The following KCNQ5 variants were observed in gnomAD, a reference collection of about 807,000 sequenced individuals.
The protein encoded by KCNQ5 is potassium voltage-gated channel subfamily KQT member 5.
A neutral mutation model predicts 98.2 loss-of-function variants in KCNQ5; 30 were observed. The observed-to-expected ratio is 0.31, with a 90% confidence interval of 0.23 to 0.41. The LOEUF is 0.41. Among genes scored for constraint, KCNQ5 ranks in the 10% least tolerant of loss-of-function variants. The pLI is 1.00. For missense variants in KCNQ5, 835 were observed against 1,182.5 expected (o/e 0.71, Z 4.31); for synonymous variants, 458 against 449.4 (o/e 1.02, Z -0.24).
intron 1 of KCNQ5, among the ~76,000 whole-genome samples, chr6:72,997,658 C>A (rs536775477): frequency 3.1e-4 from 47 of 151,340 alleles, no homozygotes; most frequent in Admixed American, 1.6e-3. Context: ...TGATGGGCAC[C>A]TGTAGTCCCA....
intron 1 of KCNQ5, among the ~76,000 whole-genome samples, chr6:72,926,111 G>C (rs1297850977): frequency 6.6e-6 from 1 of 152,114 alleles, no homozygotes; most frequent in Non-Finnish European, 1.5e-5. Context: ...AAGAGGTGGG[G>C]GATTGAGAGC....
chr6:72,924,127 C>G (rs1281932146), intron 1 of KCNQ5, among the ~76,000 whole-genome samples: 1 of 152,088 alleles, frequency 6.6e-6, no homozygotes, highest in Non-Finnish European at 1.5e-5. Context: ...ATATTAATGT[C>G]AAAACAAGTT....
chr6:72,893,573 T>C (rs1779139153), intron 1 of KCNQ5, among the ~76,000 whole-genome samples: 1 of 152,188 alleles, frequency 6.6e-6, no homozygotes, highest in Non-Finnish European at 1.5e-5. Flanking sequence ...AATATTGTAC[T>C]GTTTTCTTTC....
chr6:72,745,248 A>C (rs1771324558), intron 1 of KCNQ5, among the ~76,000 whole-genome samples: 1 of 152,224 alleles, frequency 6.6e-6, no homozygotes, highest in Non-Finnish European at 1.5e-5. Context: ...AACTGAAAAG[A>C]TCAATTAGGA....
intron 2 of KCNQ5, among the ~76,000 whole-genome samples, chr6:73,008,541 G>C (rs971111157): frequency 1.3e-5 from 2 of 152,030 alleles, no homozygotes; most frequent in Admixed American, 6.6e-5. Flanking sequence ...TTAATAAAAG[G>C]TTTAATACAA....
intron 1 of KCNQ5, among the ~76,000 whole-genome samples, chr6:72,636,116 C>G (rs1341056631): frequency 6.6e-6 from 1 of 151,900 alleles, no homozygotes; most frequent in Admixed American, 6.6e-5. Context: ...TGAAAGTTGA[C>G]TATATACTTT....
In KCNQ5 at chr6:73,105,413, G is replaced by A. The variant is rs758619904; in HGVS notation, c.1029+46G>A. ...AAAGCAGTTTAAATTAGATCTTAGA[G>A]ACTTATTAGAGTGAGCTCTCACAAA... On this transcript the variant is annotated intron_variant, in intron 6 of 13. Coordinates refer to ENST00000370398, the MANE Select transcript of KCNQ5 (RefSeq NM_019842.4). The A allele has an allele frequency of 3.3e-6, 4 of 1,196,332 alleles. No homozygotes were observed. The Admixed American group carries it at 7.9e-5, about 24-fold the overall frequency. 74.1% of individuals were successfully genotyped at this position (1,196,332 alleles called of 1,614,324 possible).
Position 72,907,143 on chromosome 6 carries a change from C to T in KCNQ5, c.399-96765C>T, listed in dbSNP as rs78582328. 3.0e-3 allele frequency among the ~76,000 whole-genome samples: 459 copies of T among 152,106 alleles called. 3 individuals are homozygous for T. The highest frequency in any genetic ancestry group is 0.02 in the East Asian group (106 of 5,172). Reference sequence around the variant, plus strand: ...ATGTTTATTACTTTAACTGTGTTATCTTGTGCATGCTTATAAAAGTCTACC... The same window carrying T: ...ATGTTTATTACTTTAACTGTGTTATTTTGTGCATGCTTATAAAAGTCTACC... On this transcript the variant is annotated intron_variant, in intron 1 of 13. Transcript: ENST00000370398.
intron 1 of KCNQ5, among the ~76,000 whole-genome samples, chr6:72,699,584 T>A (rs1768690235): frequency 6.6e-6 from 1 of 152,174 alleles, no homozygotes; most frequent in Non-Finnish European, 1.5e-5. Flanking sequence ...CCCCACTCTA[T>A]TAGAAGCTAT....
At chr6:72,658,612 G>T (rs1296196845) in intron 1 of KCNQ5, among the ~76,000 whole-genome samples, 58 of 111,062 alleles carry the variant, frequency 5.2e-4, no homozygotes, top group Admixed American at 2.0e-3. Context: ...ACAGGGTCTT[G>T]CTCTGTCAGC....
At chr6:72,822,678 C>G (rs184459218) in intron 1 of KCNQ5, among the ~76,000 whole-genome samples, 83 of 152,244 alleles carry the variant, frequency 5.5e-4, no homozygotes, top group African/African-American at 1.9e-3. Context: ...GACAGCAAAT[C>G]AATCTATAAG....
intron 10 of KCNQ5, among the ~76,000 whole-genome samples, chr6:73,137,429 T>C (rs2796047): frequency 0.12 from 18,889 of 152,176 alleles, 2,344 homozygotes; most frequent in African/African-American, 0.33. Flanking sequence ...TTATTTTGAC[T>C]GCTATGATAT....
At chr6:73,091,766 G>T (rs75123271) in intron 5 of KCNQ5, among the ~76,000 whole-genome samples, 850 of 5,624 alleles carry the variant, frequency 0.15, 5 homozygotes, top group Non-Finnish European at 0.23. Context: ...TTTTTTGTTG[G>T]TTTATTTGTT....
chr6:72,686,605 G>T lies in KCNQ5; in HGVS notation c.398+64018G>T, dbSNP rs957585516. Among the ~76,000 whole-genome samples the T allele has an allele frequency of 5.3e-5, 8 of 151,430 alleles. No individual in the cohort carries two copies. The East Asian group carries it at 1.5e-3, about 29-fold the overall frequency. On this transcript the variant is annotated intron_variant, in intron 1 of 13. Transcript: ENST00000370398. ...TCTTGTGTCTTGACTTTTGTTAAGG[G>T]TGTTTTTATTTTTCATAATAACTTT...
At chr6:72,845,210 A>G (rs1253547790) in intron 1 of KCNQ5, among the ~76,000 whole-genome samples, 3 of 152,182 alleles carry the variant, frequency 2.0e-5, no homozygotes, top group Middle Eastern at 3.2e-3. Flanking sequence ...GAGTGTGTAA[A>G]CAAATACTAG....
intron 1 of KCNQ5, among the ~76,000 whole-genome samples, chr6:72,689,324 A>C (rs890680608): frequency 8.5e-5 from 13 of 152,208 alleles, no homozygotes. Context: ...TAGCCTTCAC[A>C]CAGAAAAAAC....
chr6:72,898,916 C>G (rs1779365216), intron 1 of KCNQ5, among the ~76,000 whole-genome samples: 1 of 152,172 alleles, frequency 6.6e-6, no homozygotes, highest in Non-Finnish European at 1.5e-5. Context: ...CTGCATTTCT[C>G]TAATGATCAG....
chr6:72,994,623 C>T (rs1357412437), intron 1 of KCNQ5, among the ~76,000 whole-genome samples: 1 of 151,526 alleles, frequency 6.6e-6, no homozygotes, highest in African/African-American at 2.4e-5. Context: ...CCGTCTTCTG[C>T]GTCGCTCACG....
At chr6:72,853,171 G>A (rs997476838) in intron 1 of KCNQ5, among the ~76,000 whole-genome samples, 4 of 152,116 alleles carry the variant, frequency 2.6e-5, no homozygotes, top group African/African-American at 9.7e-5. Context: ...AGCGAAGAAA[G>A]TACATCTTAT....
Sources: allele counts gnomAD v4.1 joint callset (sites outside exome capture counted in the v4.1 genomes callset), GRCh38; gene constraint gnomAD v4.1.1; transcripts MANE v1.5; gene names NCBI Gene and HGNC (gene_info 2026-07-23, HGNC 2026-07-21).